Variants in PCGF5 observed in about 807,000 individuals in gnomAD.
The protein encoded by PCGF5 is polycomb group ring finger 5.
In PCGF5, 9 loss-of-function variants were observed where a neutral mutation model predicts 44.3. The observed-to-expected ratio is 0.20, with a 90% confidence interval of 0.12 to 0.35. The LOEUF is 0.35. Ranked by LOEUF, PCGF5 falls within the 10% of genes least tolerant of loss-of-function variation. PCGF5 has a pLI of 1.00. For synonymous variants in PCGF5, 95 were observed against 102.5 expected, an observed-to-expected ratio of 0.93 and a Z score of 0.44; for missense variants, 146 against 305.3, an observed-to-expected ratio of 0.48 and a Z score of 3.89.
rs530538610 is a variant in PCGF5, at chr10:91,205,150, C to G, written c.-183-17539C>G. 1.9e-3 allele frequency among the ~76,000 whole-genome samples: 283 copies of G among 152,268 alleles called. 1 individual carries two copies. The highest frequency in any genetic ancestry group is 6.4e-3 in the African/African-American group (266 of 41,546). On this transcript the variant is annotated intron_variant, in intron 1 of 9. Coordinates refer to the PCGF5 transcript ENST00000614189. ...AAATGCATAAAATATATTTATCTCTCTCACTAGAGTCACTAAGTTGGGCAA... is the reference window on the plus strand; with the variant it reads ...AAATGCATAAAATATATTTATCTCTGTCACTAGAGTCACTAAGTTGGGCAA...
At chr10:91,191,627 C>T (rs1234221214) in intron 1 of PCGF5, among the ~76,000 whole-genome samples, 2 of 152,104 alleles carry the variant, frequency 1.3e-5, no homozygotes, top group African/African-American at 2.4e-5. Flanking sequence ...TTTTTGGTTT[C>T]TTGGTGTGTG....
At chr10:91,196,138 A>G (rs556306828) in intron 1 of PCGF5, among the ~76,000 whole-genome samples, 2 of 152,148 alleles carry the variant, frequency 1.3e-5, no homozygotes, top group East Asian at 3.9e-4. Flanking sequence ...CAGATATTTC[A>G]CATGGTGGCA....
intron 1 of PCGF5, among the ~76,000 whole-genome samples, chr10:91,172,381 T>C (rs2133171451): frequency 6.6e-6 from 1 of 151,460 alleles, no homozygotes; most frequent in African/African-American, 2.4e-5. Flanking sequence ...ATTGTGCCAC[T>C]GCACTCCAGC....
chr10:91,180,442 G>T (rs933286602), intron 1 of PCGF5, among the ~76,000 whole-genome samples: 1 of 152,016 alleles, frequency 6.6e-6, no homozygotes, highest in Non-Finnish European at 1.5e-5. Context: ...TGAATGATAG[G>T]TTGTCTTCCA....
rs780989742 is a variant in PCGF5 at position 91,278,484 on chromosome 10, T to C, written c.*168T>C. On this transcript the variant is annotated 3_prime_UTR_variant, in exon 10 of 10. Transcript: ENST00000336126. The stretch of plus-strand genomic sequence containing the variant: ...GTCAGTTGCATTCATGTTGTTTCTA[T>C]TAGGAGCAAACCAAGTGCCATTCTG... The C allele has an allele frequency of 1.2e-5, 8 of 644,964 alleles. No individual in the cohort carries two copies. The highest frequency in any genetic ancestry group is 1.7e-5 in the Non-Finnish European group (6 of 360,246). 40.0% of individuals were successfully genotyped at this position (644,964 alleles called of 1,614,324 possible). A position where few individuals can be genotyped will look rare whatever the true frequency, so the allele number is the denominator to read the frequency against.
chr10:91,242,698 C>A (rs913503904), intron 3 of PCGF5, among the ~76,000 whole-genome samples: 1 of 152,052 alleles, frequency 6.6e-6, no homozygotes. Context: ...TTCTTAGTAA[C>A]GTTTTATCTC....
chr10:91,240,319 G>A (rs894660041), intron 2 of PCGF5, among the ~76,000 whole-genome samples, 165 bp from the exon 3 acceptor site: 1 of 152,070 alleles, frequency 6.6e-6, no homozygotes, highest in Non-Finnish European at 1.5e-5. Context: ...TATTGCAGTT[G>A]GGTGTTATTA....
chr10:91,218,324 T>C (rs1293418283), upstream of PCGF5, among the ~76,000 whole-genome samples: 1 of 152,168 alleles, frequency 6.6e-6, no homozygotes. Flanking sequence ...TCCTGCCTTT[T>C]TTTTTCCCCT....
At chr10:91,190,539 G>A (rs1339805858) in intron 1 of PCGF5, among the ~76,000 whole-genome samples, 1 of 152,184 alleles carries the variant, frequency 6.6e-6, no homozygotes, top group East Asian at 1.9e-4. Context: ...ATTCTGGAAA[G>A]TTATGAAACA....
chr10:91,269,144 A>G (rs1564657046), intron 8 of PCGF5, among the ~76,000 whole-genome samples: 1 of 152,232 alleles, frequency 6.6e-6, no homozygotes, highest in Non-Finnish European at 1.5e-5. Flanking sequence ...ATGCTAATGC[A>G]TCTGATCTTT....
intron 1 of PCGF5, among the ~76,000 whole-genome samples, chr10:91,196,398 A>G (rs1486899587): frequency 6.6e-6 from 1 of 152,206 alleles, no homozygotes; most frequent in East Asian, 1.9e-4. Context: ...TGCACATTGA[A>G]ACACCCAAGC....
At chr10:91,275,315 A>C (rs939209404) in intron 9 of PCGF5, among the ~76,000 whole-genome samples, 2 of 152,288 alleles carry the variant, frequency 1.3e-5, no homozygotes, top group African/African-American at 4.8e-5. Flanking sequence ...ATGAAAAAAA[A>C]ATACTATCTT....
chr10:91,192,821 G>T (rs1276152787), intron 1 of PCGF5, among the ~76,000 whole-genome samples: 1 of 152,126 alleles, frequency 6.6e-6, no homozygotes, highest in South Asian at 2.1e-4. Flanking sequence ...AAATACCATG[G>T]TCAGGAAAGG....
At chr10:91,158,754 C>G (rs1291701927), upstream of PCGF5, among the ~76,000 whole-genome samples, 4 of 152,132 alleles carry the variant, frequency 2.6e-5, no homozygotes, top group East Asian at 7.7e-4. Flanking sequence ...CCCAGTGAAT[C>G]CCCCTAAGGA....
At chr10:91,228,715 A>G (rs1264926221) in intron 2 of PCGF5, among the ~76,000 whole-genome samples, 1 of 152,242 alleles carries the variant, frequency 6.6e-6, no homozygotes, top group Non-Finnish European at 1.5e-5. Context: ...CAGAAAACTC[A>G]TGATGCTTTG....
chr10:91,225,267 A>C (rs1188081750), intron 2 of PCGF5, among the ~76,000 whole-genome samples: 1 of 147,594 alleles, frequency 6.8e-6, no homozygotes, highest in Non-Finnish European at 1.5e-5. Flanking sequence ...ATATATGTAT[A>C]TACGATATAT....
chr10:91,266,191 T>G (rs1275400843), intron 8 of PCGF5, among the ~76,000 whole-genome samples: 1 of 152,156 alleles, frequency 6.6e-6, no homozygotes, highest in Non-Finnish European at 1.5e-5. Context: ...TTTGATAGTT[T>G]AGCGGGCATT....
Position 91,167,774 on chromosome 10 carries a change from T to C in PCGF5, c.-184+4693T>C, listed in dbSNP as rs75570626. 6.8e-3 allele frequency among the ~76,000 whole-genome samples: 1,041 copies of C among 152,310 alleles called. 14 individuals carry two copies. The highest frequency in any genetic ancestry group is 0.023 in the African/African-American group (947 of 41,562). On this transcript the variant is annotated intron_variant, in intron 1 of 9. Transcript: ENST00000614189. ...TGATCAAGACTATGCTTTAAGAGAT[T>C]AATCTTCATCACAGGAGCCACAGGT...
intron 1 of PCGF5, among the ~76,000 whole-genome samples, chr10:91,184,684 T>C (rs972717914): frequency 8.5e-5 from 13 of 152,178 alleles, no homozygotes; most frequent in African/African-American, 3.1e-4. Context: ...TTCTCATCTT[T>C]GTGGGCTTAT....
Sources: gnomAD v4.1 joint callset for allele counts (sites outside exome capture counted in the v4.1 genomes callset) on GRCh38, gnomAD v4.1.1 for gene constraint, MANE v1.5 for transcripts, NCBI Gene and HGNC (gene_info 2026-07-23, HGNC 2026-07-21) for gene names.